CFAP54: variants seen among roughly 807,000 people sequenced by gnomAD.
CFAP54 encodes the protein cilia- and flagella-associated protein 54.
A neutral mutation model predicts 370.4 loss-of-function variants in CFAP54; 290 were observed. The ratio of observed to expected loss-of-function variants is 0.78; its 90% CI spans 0.71 to 0.86. The LOEUF is 0.86. CFAP54 is among the 40% of genes least tolerant of loss of function. The pLI, the probability that CFAP54 is intolerant of heterozygous loss-of-function variation, is 0.00. For missense variants in CFAP54, 3,399 were observed against 3,528.7 expected, an observed-to-expected ratio of 0.96 and a Z score of 0.93; for synonymous variants, 1,206 against 1,236.5, an observed-to-expected ratio of 0.98 and a Z score of 0.52.
chr12:96,848,027 A>T (rs1258844949), intron 66 of CFAP54, among the ~76,000 whole-genome samples: 2 of 152,096 alleles, frequency 1.3e-5, no homozygotes, highest in Non-Finnish European at 2.9e-5. Context: ...TCTAATTTCC[A>T]ATTTTCTTAT....
intron 47 of CFAP54, among the ~76,000 whole-genome samples, 172 bp downstream of exon 47, chr12:96,704,968 A>G (rs1280112372): frequency 6.6e-6 from 1 of 152,118 alleles, no homozygotes; most frequent in Non-Finnish European, 1.5e-5. Flanking sequence ...TGCCCATCTA[A>G]ATACATTTGT....
At chr12:96,805,237 C>G (rs998972427) in intron 63 of CFAP54, among the ~76,000 whole-genome samples, 3 of 152,084 alleles carry the variant, frequency 2.0e-5, no homozygotes, top group South Asian at 4.2e-4. Context: ...AAAAAATAGA[C>G]AAGTGGGACT....
intron 20 of CFAP54, among the ~76,000 whole-genome samples, chr12:96,577,053 C>T (rs984846510): frequency 1.3e-5 from 2 of 152,148 alleles, no homozygotes; most frequent in Non-Finnish European, 2.9e-5. Context: ...CATGACACAC[C>T]ATATGCTGAC....
At position 96,664,068 on chromosome 12, in the gene CFAP54, A is replaced by G. The variant is rs1957027866; in HGVS notation, c.5563+136A>G. The G allele has an allele frequency of 1.9e-5, 13 of 684,748 alleles. No individual in the cohort carries two copies. The South Asian group carries it at 2.2e-4, about 12-fold the overall frequency. 42.4% of individuals were successfully genotyped at this position (684,748 alleles called of 1,614,324 possible). A position where few individuals can be genotyped will look rare whatever the true frequency, so the allele number is the denominator to read the frequency against. On this transcript the variant is annotated intron_variant, in intron 39 of 67. Transcript: ENST00000524981. ...AGGTTTAGTTGACTAAAAATAATGC[A>G]TTTGATTTTCGCCATCTTACGTTGC... is the stretch of plus-strand genomic sequence containing the variant.
At chr12:96,807,691 G>T (rs1958896024) in intron 63 of CFAP54, among the ~76,000 whole-genome samples, 1 of 152,170 alleles carries the variant, frequency 6.6e-6, no homozygotes, top group Admixed American at 6.6e-5. Flanking sequence ...GCTGGGAATA[G>T]AACTAAGTAT....
chr12:96,539,513 A>G (rs1955547684), intron 13 of CFAP54, among the ~76,000 whole-genome samples: 1 of 151,846 alleles, frequency 6.6e-6, no homozygotes, highest in Admixed American at 6.6e-5. Context: ...CGTCTCTACT[A>G]AAAATACAAA....
intron 44 of CFAP54, among the ~76,000 whole-genome samples, chr12:96,692,142 A>G (rs984304719): frequency 6.6e-6 from 1 of 151,114 alleles, no homozygotes; most frequent in African/African-American, 2.4e-5. Context: ...CTCTCTCTTT[A>G]TACTGAAAAT....
chr12:96,600,125 G>A (rs1956223532), intron 26 of CFAP54, among the ~76,000 whole-genome samples: 1 of 152,070 alleles, frequency 6.6e-6, no homozygotes, highest in Admixed American at 6.6e-5. Context: ...GGTTTTTATG[G>A]TTTCAGGTCT....
Position 96,815,945 on chromosome 12 carries a change from T to C in CFAP54, c.8958-1830T>C, listed in dbSNP as rs142855005. ...TGTACCTGTTTTGGTACCAGTACCA[T>C]GCTGTTTGGGTTACTGTAGCCTTGT... is the stretch of plus-strand genomic sequence containing the variant. On this transcript the variant is annotated intron_variant, in intron 64 of 67. Coordinates refer to ENST00000524981, the MANE Select transcript of CFAP54 (RefSeq NM_001306084.2). 3.9e-3 allele frequency among the ~76,000 whole-genome samples: 592 copies of C among 152,340 alleles called. 6 individuals carry two copies. The highest frequency in any genetic ancestry group is 0.013 in the African/African-American group (547 of 41,582).
At chr12:96,621,565 ATAAT>A (rs1565917599) in intron 26 of CFAP54, 21 bp from the exon 27 acceptor site, 3 of 1,402,020 alleles carry the variant, frequency 2.1e-6, no homozygotes, top group Non-Finnish European at 2.8e-6. Context: ...TCCAACAGAG[ATAAT>A]TAATAAATAT....
At position 96,658,115 on chromosome 12, in the gene CFAP54, G is replaced by A. The variant is rs376324653; in HGVS notation, c.5324+10G>A. 1.9e-6 allele frequency: 3 copies of A among 1,593,880 alleles called. No individual in the cohort carries two copies. The highest frequency in any genetic ancestry group is 2.7e-5 in the African/African-American group (2 of 73,662). On this transcript the variant is annotated intron_variant, in intron 37 of 67. Coordinates refer to ENST00000524981, the MANE Select transcript of CFAP54 (RefSeq NM_001306084.2). ...TCAATACAGTTTCACAGTAAGTACT[G>A]CTGTAAGGGCAATTAAAAGTAGAAG...
intron 26 of CFAP54, among the ~76,000 whole-genome samples, chr12:96,604,125 A>G (rs962441329): frequency 6.6e-6 from 1 of 152,210 alleles, no homozygotes; most frequent in African/African-American, 2.4e-5. Context: ...TTGGTGACCT[A>G]CAAATGGGGT....
At chr12:96,689,704 G>A (rs1283770770) in intron 43 of CFAP54, among the ~76,000 whole-genome samples, 2 of 152,156 alleles carry the variant, frequency 1.3e-5, no homozygotes, top group African/African-American at 4.8e-5. Context: ...TACAGGAGAG[G>A]TATGCTTACA....
At chr12:96,622,998 T>C (rs565436960) in intron 27 of CFAP54, among the ~76,000 whole-genome samples, 1 of 152,214 alleles carries the variant, frequency 6.6e-6, no homozygotes, top group Admixed American at 6.5e-5. Flanking sequence ...TATCAGCCCC[T>C]TTATGTCACC....
intron 67 of CFAP54, among the ~76,000 whole-genome samples, chr12:96,866,235 A>T (rs1013497257): frequency 6.6e-6 from 1 of 152,110 alleles, no homozygotes; most frequent in Non-Finnish European, 1.5e-5. Context: ...TAAAATTTCT[A>T]TAGCAACAGA....
At chr12:96,510,963 CAAA>C (rs11479059) in intron 4 of CFAP54, among the ~76,000 whole-genome samples, 29 of 103,682 alleles carry the variant, frequency 2.8e-4, no homozygotes, top group Admixed American at 6.0e-4. Flanking sequence ...ACTCTTATCT[CAAA>C]AAAAAAAAAA....
chr12:96,861,865 T>A (rs745693271), intron 67 of CFAP54, among the ~76,000 whole-genome samples: 22 of 152,194 alleles, frequency 1.4e-4, no homozygotes, highest in Non-Finnish European at 2.6e-4. Flanking sequence ...TTGTCTAGTG[T>A]CTAAAAATGC....
chr12:96,583,227 T>C (rs1956047352), intron 22 of CFAP54, among the ~76,000 whole-genome samples: 1 of 152,178 alleles, frequency 6.6e-6, no homozygotes, highest in Admixed American at 6.5e-5. Context: ...ACTTTTTGAA[T>C]TATCTATTTT....
intron 4 of CFAP54, among the ~76,000 whole-genome samples, chr12:96,507,462 T>C (rs1025974688): frequency 6.6e-6 from 1 of 152,012 alleles, no homozygotes; most frequent in East Asian, 1.9e-4. Context: ...AACTTGGCTT[T>C]GGGTTTCTAC....
Sources: allele counts gnomAD v4.1 joint callset (sites outside exome capture counted in the v4.1 genomes callset), GRCh38; gene constraint gnomAD v4.1.1; transcripts MANE v1.5; gene names NCBI Gene and HGNC (gene_info 2026-07-23, HGNC 2026-07-21).